Variants in PLCE1 observed in about 807,000 individuals in gnomAD.
PLCE1 encodes phospholipase C epsilon 1, also known as 1-phosphatidylinositol 4,5-bisphosphate phosphodiesterase epsilon-1.
Under a neutral mutation model 242.8 loss-of-function variants are expected in PLCE1, and 119 were observed. That is an observed-to-expected ratio of 0.49 (90% CI 0.42 to 0.57). The LOEUF (loss-of-function observed/expected upper bound fraction) is 0.57, where lower values mean the gene tolerates loss of function less well. PLCE1 is among the 20% of genes least tolerant of loss of function. The probability of loss-of-function intolerance (pLI) is 0.00; values close to 1 mark genes in which losing one functional copy is unlikely to be tolerated. For synonymous variants in PLCE1, 945 were observed against 1,017.4 expected (o/e 0.93, Z 1.35); for missense variants, 2,441 against 2,788.8 (o/e 0.88, Z 2.81).
At chr10:94,028,315 G>A (rs543560089) in intron 1 of PLCE1, among the ~76,000 whole-genome samples, 15 of 152,252 alleles carry the variant, frequency 9.9e-5, no homozygotes, top group Admixed American at 3.3e-4. Flanking sequence ...TGGAGGATCC[G>A]CTTCCAAGAT....
chr10:94,196,958 A>G (rs1283810041), intron 4 of PLCE1, among the ~76,000 whole-genome samples: 1 of 152,176 alleles, frequency 6.6e-6, no homozygotes, highest in Non-Finnish European at 1.5e-5. Context: ...GATCACCCCA[A>G]AAAGAAACCA....
At chr10:94,226,644 G>T (rs1450984020) in intron 4 of PLCE1, among the ~76,000 whole-genome samples, 1 of 151,740 alleles carries the variant, frequency 6.6e-6, no homozygotes, top group Non-Finnish European at 1.5e-5. Context: ...TTTAACTGAT[G>T]GGTTAAGTAC....
chr10:94,121,791 A>G (rs190230263), intron 2 of PLCE1, among the ~76,000 whole-genome samples: 412 of 152,094 alleles, frequency 2.7e-3, no homozygotes, highest in Non-Finnish European at 4.9e-3. Flanking sequence ...TGGTTGTCAG[A>G]GCAATATATT....
chr10:94,194,180 C>T (rs911002557), intron 4 of PLCE1, among the ~76,000 whole-genome samples: 2 of 152,162 alleles, frequency 1.3e-5, no homozygotes. Flanking sequence ...AATGAGAGAA[C>T]CAGATATCCT....
At chr10:94,178,362 C>T (rs1295181381) in intron 4 of PLCE1, among the ~76,000 whole-genome samples, 1 of 152,132 alleles carries the variant, frequency 6.6e-6, no homozygotes, top group African/African-American at 2.4e-5. Context: ...TCTATTGAGA[C>T]CCCAGCAGCT....
At chr10:94,294,528 C>T (rs574160065) in intron 23 of PLCE1, among the ~76,000 whole-genome samples, 2 of 151,984 alleles carry the variant, frequency 1.3e-5, no homozygotes, top group African/African-American at 2.4e-5. Flanking sequence ...GTGAATATCA[C>T]GATAAAATGA....
intron 4 of PLCE1, among the ~76,000 whole-genome samples, chr10:94,178,566 T>C (rs2048195752): frequency 6.6e-6 from 1 of 152,180 alleles, no homozygotes; most frequent in Non-Finnish European, 1.5e-5. Flanking sequence ...TTAAAGGCCA[T>C]CCTCTCTGTA....
intron 19 of PLCE1, among the ~76,000 whole-genome samples, chr10:94,276,201 C>G (rs533014446): frequency 1.4e-4 from 22 of 152,172 alleles, no homozygotes; most frequent in Admixed American, 2.0e-4. Flanking sequence ...TTATTGCCCC[C>G]GTCTGGTGCT....
chr10:94,027,820 A>AAATAAAT lies in PLCE1; in HGVS notation c.-364-2861_-364-2860insTAAATAA, dbSNP rs1564632331. Among the ~76,000 whole-genome samples the AAATAAAT allele has an allele frequency of 7.7e-3, 1,149 of 149,410 alleles. 14 individuals are homozygous for AAATAAAT. Among genetic ancestry groups the AAATAAAT allele is most frequent in the African/African-American group, 0.026 (1,041 of 40,442 alleles). ...TGGCGACAGAGTGAGACTCCATCTC[A>AAATAAAT]AAATAAATAAATAAATAAATAAATA... On this transcript the variant is annotated intron_variant, in intron 1 of 32. Transcript: ENST00000371380.
At chr10:94,307,853 G>A (rs1383890338) in intron 26 of PLCE1, among the ~76,000 whole-genome samples, 1 of 152,152 alleles carries the variant, frequency 6.6e-6, no homozygotes, top group Non-Finnish European at 1.5e-5. Flanking sequence ...ATAGGGTCGG[G>A]GGAGACCCAT....
intron 24 of PLCE1, among the ~76,000 whole-genome samples, chr10:94,303,676 C>T (rs2053111966): frequency 6.6e-6 from 1 of 152,116 alleles, no homozygotes. Flanking sequence ...ATTGTCCATA[C>T]AATTGTCTGC....
Position 94,132,384 on chromosome 10 carries a change from G to A in PLCE1, c.1417G>A (p.Ala473Thr), listed in dbSNP as rs1299085187. Reference protein sequence around the residue: ...SQYITGSLLEATTSLGARSGL... With the variant: ...SQYITGSLLETTTSLGARSGL... The stretch of plus-strand genomic sequence containing the variant: ...GTACATCACCGGTTCTCTCCTAGAA[G>A]CAACCACGTCTTTGGGAGCAAGAAG... The change falls in exon 3 of 33, where the codon GCA (alanine) becomes ACA (threonine). Residue 473 changes from alanine to threonine, a missense_variant. By Grantham distance (58) the Ala-to-Thr change is moderately conservative. Around this residue, in one of 5 missense-constraint regions of PLCE1, gnomAD observed 733 missense variants for 754.2 expected, o/e 0.97. Transcript: ENST00000371380. 6.2e-7 allele frequency: 1 copy of A among 1,614,088 alleles called. No individual in the cohort carries two copies. The highest frequency in any genetic ancestry group is 2.2e-5 in the East Asian group (1 of 44,884).
At chr10:94,238,396 C>T (rs1249536743) in intron 7 of PLCE1, among the ~76,000 whole-genome samples, 1 of 152,214 alleles carries the variant, frequency 6.6e-6, no homozygotes, top group Non-Finnish European at 1.5e-5. Context: ...GCTGAAGTCG[C>T]TTGTCTGACT....
chr10:94,124,140 G>C (rs2046373853), intron 2 of PLCE1, among the ~76,000 whole-genome samples: 1 of 152,102 alleles, frequency 6.6e-6, no homozygotes, highest in Non-Finnish European at 1.5e-5. Flanking sequence ...AGCACGCTGG[G>C]ACGCTGAGGC....
intron 11 of PLCE1, among the ~76,000 whole-genome samples, chr10:94,256,098 G>A (rs1281349698): frequency 1.3e-5 from 2 of 151,616 alleles, no homozygotes; most frequent in Admixed American, 1.3e-4. Flanking sequence ...GTCAGGGAAG[G>A]AGGATCACTT....
intron 2 of PLCE1, among the ~76,000 whole-genome samples, chr10:94,097,841 A>C (rs527504730): frequency 6.6e-6 from 1 of 152,178 alleles, no homozygotes; most frequent in East Asian, 1.9e-4. Flanking sequence ...AATGGAGAGG[A>C]AATGTGTCAT....
Position 94,032,068 on chromosome 10 carries a change from A to G in PLCE1, c.1022A>G (p.Tyr341Cys), listed in dbSNP as rs2061568832. The G allele has an allele frequency of 5.6e-6, 9 of 1,612,832 alleles. No homozygotes were observed. The highest frequency in any genetic ancestry group is 2.2e-5 in the South Asian group (2 of 90,906). Residue 341 changes from tyrosine (Y) to cysteine (C), a missense_variant, in exon 2 of 33, where the codon TAT becomes TGT. By Grantham distance (194) the Tyr-to-Cys change is radical. Around this residue, in one of 5 missense-constraint regions of PLCE1, gnomAD observed 733 missense variants for 754.2 expected, o/e 0.97. Transcript: ENST00000371380. ...KNDREVKKSV[Y>C]TGTRAIVRTL... ...GACAGAGAAGTTAAGAAATCTGTGT[A>G]TACTGGAACAAGAGCAATTGTGAGA...
At position 94,200,831 on chromosome 10, in the gene PLCE1, C is replaced by A. The variant is rs371540179; in HGVS notation, c.1810-26475C>A. Among the ~76,000 whole-genome samples, 15 of 152,254 alleles carry A rather than the reference C, an allele frequency of 9.9e-5. No individual in the cohort carries two copies. In the East Asian group the frequency reaches 2.9e-3, roughly 29 times the overall value. ...AATTGCATTTGACCTCCGTGGTCTT[C>A]CTCCCACAAAACCTTAAACCAGTCT... On this transcript the variant is annotated intron_variant, in intron 4 of 32. Transcript: ENST00000371380.
chr10:94,234,328 A>G lies in PLCE1; in HGVS notation c.2214+16A>G. 6.2e-7 allele frequency: 1 copy of G among 1,613,074 alleles called. No homozygotes were observed. Among genetic ancestry groups the G allele is most frequent in the Non-Finnish European group, 8.5e-7 (1 of 1,179,896 alleles). The stretch of plus-strand genomic sequence containing the variant: ...AACTTTAGAGGTAAGGCCTTTCAGA[A>G]TCATCGTGGCCTGAAGAGCCACTGT... On this transcript the variant is annotated intron_variant, in intron 6 of 32. Coordinates refer to ENST00000371380, the MANE Select transcript of PLCE1 (RefSeq NM_016341.4).
Sources: gnomAD v4.1 joint callset for allele counts (sites outside exome capture counted in the v4.1 genomes callset) on GRCh38, gnomAD v4.1.1 for gene constraint, gnomAD v4.1.1 regional missense constraint, MANE v1.5 for transcripts, NCBI Gene and HGNC (gene_info 2026-07-23, HGNC 2026-07-21) for gene names.